The following TLE4 variants were observed in gnomAD, a reference collection of about 807,000 sequenced individuals.
TLE4 encodes the protein transducin-like enhancer protein 4.
Under a neutral mutation model 92.8 loss-of-function variants are expected in TLE4, and 8 were observed. The ratio of observed to expected loss-of-function variants is 0.09; its 90% confidence interval spans 0.05 to 0.16. The LOEUF (loss-of-function observed/expected upper bound fraction) is 0.16, where lower values mean the gene tolerates loss of function less well. Among genes scored for constraint, TLE4 ranks in the 10% least tolerant of loss-of-function variants. The pLI is 1.00. For synonymous variants in TLE4, 371 were observed against 374.1 expected (o/e 0.99, Z 0.10); for missense variants, 675 against 997.6 (o/e 0.68, Z 4.36).
At chr9:79,709,551 G>T in intron 13 of TLE4, 72 bp from the exon 14 acceptor site, 1 of 1,352,748 alleles carries the variant, frequency 7.4e-7, no homozygotes, top group Non-Finnish European at 1.0e-6. Flanking sequence ...TTTTAGAATA[G>T]ATTTTGAGAA....
intron 4 of TLE4, among the ~76,000 whole-genome samples, chr9:79,594,536 G>A (rs895981211): frequency 2.0e-5 from 3 of 151,344 alleles, no homozygotes; most frequent in African/African-American, 7.3e-5. Context: ...GGAGATTCAT[G>A]CATCTTTGAA....
intron 6 of TLE4, among the ~76,000 whole-genome samples, chr9:79,638,819 T>C (rs2056536101): frequency 6.6e-6 from 1 of 152,164 alleles, no homozygotes; most frequent in South Asian, 2.1e-4. Flanking sequence ...CAGAGGTTGT[T>C]CTTGGGTTTC....
intron 5 of TLE4, among the ~76,000 whole-genome samples, chr9:79,616,137 C>T (rs1457597204): frequency 1.3e-5 from 2 of 152,116 alleles, no homozygotes; most frequent in African/African-American, 4.8e-5. Flanking sequence ...GTCTCATTTG[C>T]AGGGGAAGAA....
At chr9:79,624,061 G>C (rs189189354) in intron 5 of TLE4, among the ~76,000 whole-genome samples, 1 of 152,080 alleles carries the variant, frequency 6.6e-6, no homozygotes, top group East Asian at 1.9e-4. Flanking sequence ...TTGGGGAGGG[G>C]AGGGAAAGTG....
At chr9:79,676,758 C>T (rs567052426) in intron 8 of TLE4, among the ~76,000 whole-genome samples, 2 of 152,186 alleles carry the variant, frequency 1.3e-5, no homozygotes, top group African/African-American at 4.8e-5. Flanking sequence ...CACTTAGGTT[C>T]TTCTGATGTA....
In TLE4 at chr9:79,592,437, G is replaced by A. The variant is rs560850816; in HGVS notation, c.252+16260G>A. On this transcript the variant is annotated intron_variant, in intron 4 of 19. Transcript: ENST00000376552. Reference sequence around the variant, plus strand: ...ACTAAAGGTGCTTATCACCACACCCGGCAATTTTTGTATTTTTTGGTACAG... The same window carrying A: ...ACTAAAGGTGCTTATCACCACACCCAGCAATTTTTGTATTTTTTGGTACAG... 7.9e-5 allele frequency among the ~76,000 whole-genome samples: 12 copies of A among 151,604 alleles called. No homozygotes were observed. In the East Asian group the frequency reaches 1.4e-3, roughly 17 times the overall value.
chr9:79,634,785 G>A (rs2055273638), intron 6 of TLE4, among the ~76,000 whole-genome samples: 4 of 152,252 alleles, frequency 2.6e-5, no homozygotes, highest in Admixed American at 2.6e-4. Flanking sequence ...CTTAGCATAA[G>A]GCATTTGTGA....
intron 6 of TLE4, among the ~76,000 whole-genome samples, chr9:79,648,805 T>G (rs62569313): frequency 0.012 from 1,794 of 152,326 alleles, 13 homozygotes; most frequent in Non-Finnish European, 0.019. Flanking sequence ...TCACACATTT[T>G]CATTTCCAGG....
chr9:79,676,164 G>A (rs754507904), intron 8 of TLE4, among the ~76,000 whole-genome samples: 3 of 152,130 alleles, frequency 2.0e-5, no homozygotes, highest in Non-Finnish European at 4.4e-5. Flanking sequence ...TTAATTGCCA[G>A]TCATGTTTGT....
intron 4 of TLE4, among the ~76,000 whole-genome samples, chr9:79,576,962 C>G (rs938057588): frequency 6.6e-6 from 1 of 151,542 alleles, no homozygotes; most frequent in Non-Finnish European, 1.5e-5. Context: ...TATACACACA[C>G]ACAAATATAT....
chr9:79,592,260 T>TTTCTTC (rs1246492635), intron 4 of TLE4, among the ~76,000 whole-genome samples: 1 of 149,244 alleles, frequency 6.7e-6, no homozygotes, highest in African/African-American at 2.5e-5. Flanking sequence ...TTCTTTCTTC[T>TTTCTTC]TTCTTCTTCT....
At chr9:79,681,905 A>G (rs1180193523) in intron 8 of TLE4, among the ~76,000 whole-genome samples, 2 of 151,554 alleles carry the variant, frequency 1.3e-5, no homozygotes, top group African/African-American at 4.9e-5. Flanking sequence ...ATAGTTATAT[A>G]TAATTTGATA....
intron 14 of TLE4, among the ~76,000 whole-genome samples, chr9:79,716,587 A>C (rs764346796): frequency 7.2e-5 from 11 of 152,206 alleles, no homozygotes; most frequent in Non-Finnish European, 1.2e-4. Flanking sequence ...GGCATTTAGG[A>C]AGTATTTGCT....
At chr9:79,707,969 T>TTA in intron 11 of TLE4, 149 bp from the exon 12 acceptor site, 1 of 779,998 alleles carries the variant, frequency 1.3e-6, no homozygotes, top group Non-Finnish European at 2.0e-6. Context: ...TGTTTCTTTG[T>TTA]TAACTTTTCT....
chr9:79,661,628 A>G (rs1246818640), intron 8 of TLE4, among the ~76,000 whole-genome samples: 2 of 152,234 alleles, frequency 1.3e-5, no homozygotes, highest in African/African-American at 2.4e-5. Flanking sequence ...AATGAAGATA[A>G]TACAGTTATT....
intron 16 of TLE4, among the ~76,000 whole-genome samples, chr9:79,720,802 C>A (rs2075501805): frequency 6.6e-6 from 1 of 152,050 alleles, no homozygotes. Flanking sequence ...TTAGCAACTC[C>A]CATGGGCCTA....
intron 8 of TLE4, among the ~76,000 whole-genome samples, chr9:79,680,831 C>T (rs1180040801): frequency 1.3e-5 from 2 of 152,162 alleles, no homozygotes; most frequent in African/African-American, 4.8e-5. Flanking sequence ...GAGTTTTTAG[C>T]ATGAAGCGTT....
chr9:79,677,293 T>A (rs1340770579), intron 8 of TLE4, among the ~76,000 whole-genome samples: 2 of 152,152 alleles, frequency 1.3e-5, no homozygotes, highest in Non-Finnish European at 2.9e-5. Context: ...AAAGTTGTAG[T>A]GCCTAGTATT....
At chr9:79,699,145 A>G (rs1304794713) in intron 8 of TLE4, among the ~76,000 whole-genome samples, 1 of 151,862 alleles carries the variant, frequency 6.6e-6, no homozygotes, top group African/African-American at 2.4e-5. Flanking sequence ...AACATGATCA[A>G]CTCTTTGGAT....
Sources: allele counts gnomAD v4.1 joint callset (sites outside exome capture counted in the v4.1 genomes callset), GRCh38; gene constraint gnomAD v4.1.1; transcripts MANE v1.5; gene names NCBI Gene and HGNC (gene_info 2026-07-23, HGNC 2026-07-21).